NRXN1: variants seen among roughly 807,000 people sequenced by gnomAD.
The protein encoded by NRXN1 is neurexin-1.
A neutral mutation model predicts 150.9 loss-of-function variants in NRXN1; 39 were observed. The ratio of observed to expected loss-of-function variants is 0.26; its 90% confidence interval spans 0.20 to 0.34. The LOEUF (loss-of-function observed/expected upper bound fraction) is 0.34, where lower values mean the gene tolerates loss of function less well. NRXN1 is among the 10% of genes least tolerant of loss of function. NRXN1 has a pLI of 1.00. For missense variants in NRXN1, 1,815 were observed against 1,949.9 expected, an observed-to-expected ratio of 0.93 and a Z score of 1.30; for synonymous variants, 924 against 757.0, an observed-to-expected ratio of 1.22 and a Z score of -3.62.
intron 2 of NRXN1, among the ~76,000 whole-genome samples, chr2:50,988,027 A>C (rs1006612832): frequency 6.6e-6 from 1 of 152,040 alleles, no homozygotes; most frequent in Admixed American, 6.6e-5. Flanking sequence ...GATAGCTGCT[A>C]TTGAAATGTT....
At chr2:50,394,941 A>T (rs2081965539) in intron 17 of NRXN1, among the ~76,000 whole-genome samples, 2 of 152,022 alleles carry the variant, frequency 1.3e-5, no homozygotes, top group Admixed American at 6.6e-5. Flanking sequence ...TCACCAAGAC[A>T]GTCACATGAC....
chr2:50,787,476 C>T (rs1197273100), intron 5 of NRXN1, among the ~76,000 whole-genome samples: 3 of 151,528 alleles, frequency 2.0e-5, no homozygotes, highest in Non-Finnish European at 2.9e-5. Flanking sequence ...ACAGGAGAAT[C>T]GCTTGAACCC....
intron 9 of NRXN1, chr2:50,551,308 A>G (rs563178812): frequency 6.6e-6 from 1 of 152,106 alleles, no homozygotes; most frequent in South Asian, 2.1e-4. Flanking sequence ...CTCCTTCTCA[A>G]TTTCCATATA....
chr2:50,664,185 C>A (rs1687686906), intron 5 of NRXN1, among the ~76,000 whole-genome samples: 2 of 151,876 alleles, frequency 1.3e-5, no homozygotes, highest in Admixed American at 1.3e-4. Context: ...AAATTTATTG[C>A]AGAAAACCTT....
chr2:50,063,589 T>C (rs1044045273), intron 19 of NRXN1, among the ~76,000 whole-genome samples: 6 of 89,944 alleles, frequency 6.7e-5, no homozygotes, highest in South Asian at 3.4e-4. Flanking sequence ...CACACACACA[T>C]CTAAGGCTGG....
chr2:50,725,168 C>G (rs756424873), intron 5 of NRXN1, among the ~76,000 whole-genome samples: 1 of 151,532 alleles, frequency 6.6e-6, no homozygotes, highest in African/African-American at 2.4e-5. Flanking sequence ...AATATTATCT[C>G]GATGTGACCT....
intron 18 of NRXN1, among the ~76,000 whole-genome samples, chr2:50,128,512 A>T (rs1055935642): frequency 6.6e-6 from 1 of 152,208 alleles, no homozygotes; most frequent in Non-Finnish European, 1.5e-5. Flanking sequence ...AAATATATAC[A>T]CCAATGGATT....
intron 18 of NRXN1, among the ~76,000 whole-genome samples, chr2:50,182,745 A>G (rs1350520695): frequency 6.6e-6 from 1 of 152,110 alleles, no homozygotes; most frequent in Admixed American, 6.6e-5. Context: ...TCTTTATAAT[A>G]GAGTCAACAG....
intron 17 of NRXN1, among the ~76,000 whole-genome samples, chr2:50,384,821 C>A (rs2081216367): frequency 6.6e-6 from 1 of 152,172 alleles, no homozygotes; most frequent in Non-Finnish European, 1.5e-5. Flanking sequence ...TCCACCTACA[C>A]ATGGGCCTGT....
chr2:50,920,456 C>T (rs903006562), intron 5 of NRXN1, among the ~76,000 whole-genome samples: 35 of 151,672 alleles, frequency 2.3e-4, no homozygotes, highest in African/African-American at 7.0e-4. Flanking sequence ...AACAAATATA[C>T]GAGTGTATAT....
At chr2:50,905,574 C>G (rs914895329) in intron 5 of NRXN1, among the ~76,000 whole-genome samples, 1 of 152,100 alleles carries the variant, frequency 6.6e-6, no homozygotes, top group African/African-American at 2.4e-5. Context: ...TATAATCATG[C>G]TTTGCTTGAA....
intron 2 of NRXN1, among the ~76,000 whole-genome samples, chr2:50,947,858 A>C (rs1690651455): frequency 6.6e-6 from 1 of 151,968 alleles, no homozygotes; most frequent in Admixed American, 6.6e-5. Flanking sequence ...GAAAAGGGAA[A>C]AACTTGTTTT....
rs563990935 is a variant in NRXN1, at chr2:50,624,238, T to C, written c.833-623A>G. On this transcript the variant is annotated intron_variant, in intron 5 of 22. Transcript: ENST00000401669. ...GTATGTTTTTAATAAATCTCAACTA[T>C]TGGGCCATCAACTGCAGTAGCTAAA... 1.8e-4 allele frequency among the ~76,000 whole-genome samples: 27 copies of C among 152,232 alleles called. No homozygotes were observed. The South Asian group carries it at 2.3e-3, about 13-fold the overall frequency.
intron 19 of NRXN1, among the ~76,000 whole-genome samples, chr2:50,073,660 CT>C (rs745783093): frequency 2.6e-5 from 4 of 151,980 alleles, no homozygotes; most frequent in Non-Finnish European, 5.9e-5. Flanking sequence ...AGTTAACTTC[CT>C]TCTTGAAACT....
At chr2:50,138,069 C>T (rs1008481521) in intron 18 of NRXN1, among the ~76,000 whole-genome samples, 1 of 151,986 alleles carries the variant, frequency 6.6e-6, no homozygotes, top group South Asian at 2.1e-4. Flanking sequence ...GAAATGTAAA[C>T]GTAAAAAAGA....
intron 5 of NRXN1, among the ~76,000 whole-genome samples, chr2:50,780,894 T>C (rs1330319786): frequency 6.6e-6 from 1 of 152,198 alleles, no homozygotes; most frequent in Non-Finnish European, 1.5e-5. Flanking sequence ...TAACCTCCTA[T>C]GCATACTACA....
chr2:50,976,360 T>C (rs1410317312), intron 2 of NRXN1, among the ~76,000 whole-genome samples: 1 of 151,930 alleles, frequency 6.6e-6, no homozygotes, highest in Non-Finnish European at 1.5e-5. Flanking sequence ...TGAAAATGAT[T>C]GACAAATTGA....
chr2:50,342,964 A>G (rs936465146), intron 17 of NRXN1, among the ~76,000 whole-genome samples: 7 of 152,246 alleles, frequency 4.6e-5, no homozygotes, highest in African/African-American at 1.7e-4. Context: ...GAAGTTTGGT[A>G]TGTGTACTGA....
chr2:50,531,300 G>C lies in NRXN1; in HGVS notation c.2274C>G (p.Thr758=), dbSNP rs78030925. 6 of 1,613,610 alleles carry C rather than the reference G, an allele frequency of 3.7e-6. No individual in the cohort carries two copies. In the African/African-American group the frequency reaches 8.0e-5, roughly 22 times the overall value. ...GGGTGTCAGCAGAGTCTCTAGAAGT[G>C]GTTGCCATCAGAATGCCATATGCAC... The part of the protein sequence containing the change: ...SQRAYGILMA[T]TSRDSADTLR... Residue 758 remains threonine (T), a synonymous_variant, in exon 11 of 23, where the codon ACC becomes ACG. Coordinates refer to ENST00000401669, the MANE Select transcript of NRXN1 (RefSeq NM_001330078.2).
Sources: allele counts gnomAD v4.1 joint callset (sites outside exome capture counted in the v4.1 genomes callset), GRCh38; gene constraint gnomAD v4.1.1; transcripts MANE v1.5; gene names NCBI Gene and HGNC (gene_info 2026-07-23, HGNC 2026-07-21).